DMAC2: variants seen among roughly 807,000 people sequenced by gnomAD.
DMAC2 encodes the protein distal membrane-arm assembly complex protein 2.
A neutral mutation model predicts 29.6 loss-of-function variants in DMAC2; 32 were observed. The observed-to-expected ratio is 1.08, with a 90% CI of 0.81 to 1.45. The LOEUF is 1.45. DMAC2 is among the 40% of genes most tolerant of loss of function. The pLI is 0.00. For synonymous variants in DMAC2, 133 were observed against 137.4 expected (o/e 0.97, Z 0.23); for missense variants, 319 against 340.0 (o/e 0.94, Z 0.49).
intron 1 of DMAC2, chr19:41,439,478 A>AT (rs1555772317): frequency 6.5e-7 from 1 of 1,536,808 alleles, no homozygotes; most frequent in African/African-American, 1.4e-5. Flanking sequence ...CCTTACATTC[A>AT]TCCTTCGGTC....
chr19:41,438,506 C>T, intron 1 of DMAC2, 92 bp from the exon 2 acceptor site: 1 of 1,062,920 alleles, frequency 9.4e-7, no homozygotes, highest in Non-Finnish European at 1.3e-6. Context: ...AACCTCAATC[C>T]CTCTGCTTCC....
At chr19:41,432,562 T>TGTGC in intron 5 of DMAC2, 154 bp from the exon 6 acceptor site, 2 of 605,772 alleles carry the variant, frequency 3.3e-6, no homozygotes. Context: ...TACAGGACAG[T>TGTGC]GTGTGCGTGT....
Position 41,432,163 on chromosome 19 carries a change from T to C in DMAC2, c.*68A>G. On this transcript the variant is annotated 3_prime_UTR_variant, in exon 6 of 6. Transcript: ENST00000221943. ...AGTGAAGACAAATGGAAGCCAGAAGTGTGGTGAGCTACCAGACATTCCATG... is the reference window on the plus strand; with the variant it reads ...AGTGAAGACAAATGGAAGCCAGAAGCGTGGTGAGCTACCAGACATTCCATG... 1 of 1,533,482 alleles carries C rather than the reference T, an allele frequency of 6.5e-7. No individual in the cohort carries two copies. The highest frequency in any genetic ancestry group is 8.9e-7 in the Non-Finnish European group (1 of 1,125,442). 95.0% of individuals were successfully genotyped at this position (1,533,482 alleles called of 1,614,324 possible).
Position 41,432,909 on chromosome 19 carries a change from T to C in DMAC2, c.596+363A>G, listed in dbSNP as rs547400007. The stretch of plus-strand genomic sequence containing the variant: ...GTGCGTGCATGCGTGCATGTGTGTG[T>C]GTATAGGGAGGTACTGGCCCCAAAT... On this transcript the variant is annotated intron_variant, in intron 5 of 5. Coordinates refer to ENST00000221943, the MANE Select transcript of DMAC2 (RefSeq NM_018035.3). 5.8e-6 allele frequency: 3 copies of C among 521,102 alleles called. No individual in the cohort carries two copies. The South Asian group carries it at 9.1e-5, about 16-fold the overall frequency. 32.3% of individuals were successfully genotyped at this position (521,102 alleles called of 1,614,324 possible).
intron 3 of DMAC2, among the ~76,000 whole-genome samples, chr19:41,436,131 C>T (rs1344622313): frequency 2.0e-5 from 3 of 152,250 alleles, no homozygotes; most frequent in Non-Finnish European, 4.4e-5. Flanking sequence ...CCGCCTTGGC[C>T]TCCCAAAGCA....
Position 41,438,241 on chromosome 19 carries a change from C to CATCT in DMAC2, c.188_191dup (p.Met64IlefsTer7). ...ACCGATTTTTCTCATGCACCTTGTA[C>CATCT]ATCTCCCTTTGGAGCAAGTAATCCC... On this transcript the variant is annotated frameshift_variant, in exon 2 of 6. Coordinates refer to ENST00000221943, the MANE Select transcript of DMAC2 (RefSeq NM_018035.3). LOFTEE classifies it high-confidence loss of function. 6.2e-7 allele frequency: 1 copy of CATCT among 1,614,142 alleles called. No individual in the cohort carries two copies. Among genetic ancestry groups the CATCT allele is most frequent in the Non-Finnish European group, 8.5e-7 (1 of 1,179,962 alleles).
At chr19:41,436,720 A>T (rs1482447545) in intron 2 of DMAC2, among the ~76,000 whole-genome samples, 1 of 152,244 alleles carries the variant, frequency 6.6e-6, no homozygotes, top group African/African-American at 2.4e-5. Flanking sequence ...AGGGAGAAAC[A>T]GATAACAACC....
intron 2 of DMAC2, 77 bp downstream of exon 2, chr19:41,438,141 C>G: frequency 7.1e-7 from 1 of 1,403,842 alleles, no homozygotes; most frequent in Non-Finnish European, 9.9e-7. Context: ...ACAGTGCTGC[C>G]TGGGAATGGC....
chr19:41,435,793 T>C (rs1373453671), intron 3 of DMAC2, among the ~76,000 whole-genome samples: 1 of 151,900 alleles, frequency 6.6e-6, no homozygotes, highest in South Asian at 2.1e-4. Flanking sequence ...ACTCCTGGCC[T>C]CCAGTGACCT....
intron 3 of DMAC2, among the ~76,000 whole-genome samples, chr19:41,435,091 G>A (rs1452550789): frequency 1.3e-5 from 2 of 152,084 alleles, no homozygotes; most frequent in East Asian, 3.9e-4. Context: ...CACTCCCCCT[G>A]ACAGGGTCCC....
rs141668383 is a variant in DMAC2 at position 41,431,578 on chromosome 19, C to T, written c.*653G>A. Reference sequence around the variant, plus strand: ...GCTGGGGAAGCCACATGCACTGCGGCGTCCAGAGGCAGAAGCACAACCAAC... The same window carrying T: ...GCTGGGGAAGCCACATGCACTGCGGTGTCCAGAGGCAGAAGCACAACCAAC... On this transcript the variant is annotated 3_prime_UTR_variant, in exon 6 of 6. Transcript: ENST00000221943. 892 of 312,756 alleles carry T rather than the reference C, an allele frequency of 2.9e-3. No individual in the cohort carries two copies. The highest frequency in any genetic ancestry group is 7.0e-3 in the Middle Eastern group (6 of 854). 19.4% of individuals were successfully genotyped at this position (312,756 alleles called of 1,614,324 possible).
chr19:41,432,062 G>C lies in DMAC2; in HGVS notation c.*169C>G. ...ACAGGAGCTGTGACCTTTAGCCAAGGGCAGCCAGGAATAAATACTGGGAAC... is the reference window on the plus strand; with the variant it reads ...ACAGGAGCTGTGACCTTTAGCCAAGCGCAGCCAGGAATAAATACTGGGAAC... On this transcript the variant is annotated 3_prime_UTR_variant, in exon 6 of 6. Transcript: ENST00000221943. The C allele has an allele frequency of 1.3e-6, 1 of 745,132 alleles. No individual in the cohort carries two copies. The highest frequency in any genetic ancestry group is 1.8e-5 in the South Asian group (1 of 54,420). 46.2% of individuals were successfully genotyped at this position (745,132 alleles called of 1,614,324 possible). A position where few individuals can be genotyped will look rare whatever the true frequency, so the allele number is the denominator to read the frequency against.
intron 5 of DMAC2, chr19:41,432,783 C>CGTGTGTGTGTGTGT (rs374254190): frequency 4.9e-5 from 15 of 303,402 alleles, no homozygotes; most frequent in African/African-American, 4.4e-4. Flanking sequence ...GGACAGCGTG[C>CGTGTGTGTGTGTGT]GTGTGTGTGT....
Position 41,432,259 on chromosome 19 carries a change from C to G in DMAC2, c.746G>C (p.Arg249Pro), listed in dbSNP as rs2231945. The change falls in exon 6 of 6, where the codon CGG becomes CCG. Residue 249 changes from arginine to proline, a missense_variant. Arg to Pro is a moderately radical substitution (Grantham distance 103, BLOSUM62 -2). Coordinates refer to ENST00000221943, the MANE Select transcript of DMAC2 (RefSeq NM_018035.3). The stretch of plus-strand genomic sequence containing the variant: ...GGCAGGGACAGGGCTGGCTGTGTCC[C>G]GAGGCTGCTCCTCCGGCCCTGACTT... ...GLKSGPEEQP[R>P]DTASPVPA 2.5e-6 allele frequency: 4 copies of G among 1,613,996 alleles called. No individual in the cohort carries two copies. The highest frequency in any genetic ancestry group is 1.7e-5 in the Admixed American group (1 of 60,004).
rs555010735 is a variant in DMAC2 at position 41,439,545 on chromosome 19, A to G, written c.18+337T>C. On this transcript the variant is annotated intron_variant, in intron 1 of 5. Coordinates refer to ENST00000221943, the MANE Select transcript of DMAC2 (RefSeq NM_018035.3). Reference sequence around the variant, plus strand: ...TCCCTTCCAAGCTCTCTTATCCTACAGGCCCCACCCTTGCCTGTCCATTAG... The same window carrying G: ...TCCCTTCCAAGCTCTCTTATCCTACGGGCCCCACCCTTGCCTGTCCATTAG... The G allele has an allele frequency of 8.1e-5, 125 of 1,536,144 alleles. No individual in the cohort carries two copies. In the East Asian group the frequency reaches 3.0e-3, roughly 37 times the overall value.
At chr19:41,432,562 T>G in intron 5 of DMAC2, 154 bp from the exon 6 acceptor site, 1 of 605,770 alleles carries the variant, frequency 1.7e-6, no homozygotes, top group Non-Finnish European at 2.8e-6. Flanking sequence ...TACAGGACAG[T>G]GTGTGCGTGT....
At position 41,433,388 on chromosome 19, in the gene DMAC2, G is replaced by A. The variant is rs781894240; in HGVS notation, c.480C>T (p.His160=). Residue 160 remains histidine (H), a synonymous_variant, in exon 5 of 6, where the codon CAC becomes CAT. Coordinates refer to ENST00000221943, the MANE Select transcript of DMAC2 (RefSeq NM_018035.3). ...LQSLSLQRCC[H]VDDWCLSRLY... ...GGCGGCTGAGACACCAGTCGTCCACGTGGCAGCAGCGCTGCAGCGACAAGG... is the reference window on the plus strand; with the variant it reads ...GGCGGCTGAGACACCAGTCGTCCACATGGCAGCAGCGCTGCAGCGACAAGG... 2.5e-5 allele frequency: 40 copies of A among 1,613,238 alleles called. No homozygotes were observed. In the Admixed American group the frequency reaches 2.5e-4, roughly 10 times the overall value.
chr19:41,437,390 T>C (rs555604475), intron 2 of DMAC2, among the ~76,000 whole-genome samples: 1 of 151,426 alleles, frequency 6.6e-6, no homozygotes, highest in East Asian at 1.9e-4. Flanking sequence ...AGTGAGACTC[T>C]GTCTCAAACA....
Position 41,432,122 on chromosome 19 carries a change from C to G in DMAC2, c.*109G>C, listed in dbSNP as rs1028965330. 3 of 1,289,218 alleles carry G rather than the reference C, an allele frequency of 2.3e-6. No individual in the cohort carries two copies. Among genetic ancestry groups the G allele is most frequent in the Non-Finnish European group, 1.1e-6 (1 of 921,066 alleles). 79.9% of individuals were successfully genotyped at this position (1,289,218 alleles called of 1,614,324 possible). On this transcript the variant is annotated 3_prime_UTR_variant, in exon 6 of 6. Coordinates refer to ENST00000221943, the MANE Select transcript of DMAC2 (RefSeq NM_018035.3). ...CTCCTGTGATTGGCCAGCACCACTC[C>G]CCCACCCTGACGTTGAGTGAAGACA...
Sources: gnomAD v4.1 joint callset for allele counts (sites outside exome capture counted in the v4.1 genomes callset) on GRCh38, gnomAD v4.1.1 for gene constraint, MANE v1.5 for transcripts, NCBI Gene and HGNC (gene_info 2026-07-23, HGNC 2026-07-21) for gene names.